The following KCNJ6 variants were observed in gnomAD, a reference collection of about 807,000 sequenced individuals.
KCNJ6 encodes G protein-activated inward rectifier potassium channel 2.
KCNJ6 carries 9 observed loss-of-function variants against 34.2 expected under a neutral mutation model. That is an observed-to-expected ratio of 0.26 (90% CI 0.16 to 0.46). KCNJ6 has a LOEUF of 0.46. KCNJ6 is among the 20% of genes least tolerant of loss of function. The pLI, the probability that KCNJ6 is intolerant of heterozygous loss-of-function variation, is 1.00. For synonymous variants in KCNJ6, 196 were observed against 207.1 expected, an observed-to-expected ratio of 0.95 and a Z score of 0.46; for missense variants, 236 against 531.3, an observed-to-expected ratio of 0.44 and a Z score of 5.46.
At chr21:37,831,628 C>T (rs2055426391) in intron 2 of KCNJ6, among the ~76,000 whole-genome samples, 1 of 152,130 alleles carries the variant, frequency 6.6e-6, no homozygotes, top group East Asian at 1.9e-4. Context: ...CCCAGAAGTA[C>T]ATGGCAGAAG....
At position 37,761,748 on chromosome 21, in the gene KCNJ6, ATGTGTGTATGTGT is replaced by A. The variant is rs537534214; in HGVS notation, c.26-46630_26-46618del. 1.5e-4 allele frequency among the ~76,000 whole-genome samples: 22 copies of A among 148,994 alleles called. No homozygotes were observed. In the South Asian group the frequency reaches 4.7e-3, roughly 32 times the overall value. On this transcript the variant is annotated intron_variant, in intron 2 of 3. Coordinates refer to ENST00000609713, the MANE Select transcript of KCNJ6 (RefSeq NM_002240.5). ...GTGTGGTGTGTGTCGTGTGTGTGGT[ATGTGTGTATGTGT>A]TGTGTGTATGTAGTGTGTGTGTGGT...
chr21:37,644,851 CTTAAAG>C (rs2054396346), intron 3 of KCNJ6, among the ~76,000 whole-genome samples: 1 of 152,124 alleles, frequency 6.6e-6, no homozygotes, highest in African/African-American at 2.4e-5. Context: ...TTAAATTCTT[CTTAAAG>C]TTAAGGGAGA....
chr21:37,852,449 T>C (rs966494113), intron 1 of KCNJ6, among the ~76,000 whole-genome samples: 2 of 152,114 alleles, frequency 1.3e-5, no homozygotes, highest in African/African-American at 4.8e-5. Flanking sequence ...CCCCCTCCTA[T>C]CCCAGCCAGG....
At chr21:37,777,796 A>G (rs1459470286) in intron 2 of KCNJ6, among the ~76,000 whole-genome samples, 1 of 152,198 alleles carries the variant, frequency 6.6e-6, no homozygotes, top group Non-Finnish European at 1.5e-5. Flanking sequence ...CTCTGTCACC[A>G]GTGTTCCCAG....
Position 37,675,138 on chromosome 21 carries a change from T to C in KCNJ6, c.946+39073A>G, listed in dbSNP as rs1189095780. 6.6e-6 allele frequency among the ~76,000 whole-genome samples: 1 copy of C among 152,178 alleles called. No homozygotes were observed. Among genetic ancestry groups the C allele is most frequent in the African/African-American group, 2.4e-5 (1 of 41,442 alleles). On this transcript the variant is annotated intron_variant, in intron 3 of 3. Coordinates refer to ENST00000609713, the MANE Select transcript of KCNJ6 (RefSeq NM_002240.5). This position sits in a 1 kb window ranked among gnomAD's most constrained non-coding sequence, Gnocchi z 4.2. ...TCCTTTGGACTGGGCCCTTGAGCCA[T>C]GAGCTTTCTTTTATTTAATGTGATA...
intron 3 of KCNJ6, among the ~76,000 whole-genome samples, chr21:37,705,954 A>C (rs1256801992): frequency 5.2e-3 from 1 of 192 alleles, no homozygotes; most frequent in Non-Finnish European, 9.8e-3. Flanking sequence ...ACATAAGGTT[A>C]TTTCCTCAGT....
At chr21:37,805,124 T>C (rs1278929364) in intron 2 of KCNJ6, among the ~76,000 whole-genome samples, 1 of 152,114 alleles carries the variant, frequency 6.6e-6, no homozygotes, top group Admixed American at 6.5e-5. Flanking sequence ...GCAGGTGGAA[T>C]GACTGCTAAT....
At position 37,900,942 on chromosome 21, in the gene KCNJ6, TATAAAAC is replaced by T. The variant is rs577314805; in HGVS notation, c.-28+14935_-28+14941del. On this transcript the variant is annotated intron_variant, in intron 1 of 3. Coordinates refer to ENST00000609713, the MANE Select transcript of KCNJ6 (RefSeq NM_002240.5). ...CAACAATATATGATCCAATTTTAGT[TATAAAAC>T]ATAAAACATAGTAAACCCTCCTATT... 1.0e-3 allele frequency among the ~76,000 whole-genome samples: 157 copies of T among 152,286 alleles called. 1 individual carries two copies. Among genetic ancestry groups the T allele is most frequent in the African/African-American group, 3.7e-3 (154 of 41,562 alleles).
rs190340291 is a variant in KCNJ6 at position 37,865,330 on chromosome 21, G to A, written c.-27-24621C>T. Reference sequence around the variant, plus strand: ...ACCATTATACAGAAAAAAAGTGGAGGAGGCCTTATGCAAATATTTTCAGAT... The same window carrying A: ...ACCATTATACAGAAAAAAAGTGGAGAAGGCCTTATGCAAATATTTTCAGAT... On this transcript the variant is annotated intron_variant, in intron 1 of 3. Coordinates refer to ENST00000609713, the MANE Select transcript of KCNJ6 (RefSeq NM_002240.5). Among the ~76,000 whole-genome samples, 5 of 152,296 alleles carry A rather than the reference G, an allele frequency of 3.3e-5. No homozygotes were observed. In the East Asian group the frequency reaches 7.7e-4, roughly 24 times the overall value.
chr21:37,641,690 C>T (rs559000053), intron 3 of KCNJ6, among the ~76,000 whole-genome samples: 10 of 108,684 alleles, frequency 9.2e-5, no homozygotes, highest in East Asian at 2.8e-4. Flanking sequence ...TGAAAGTAGA[C>T]GAGTGTGTTT....
intron 2 of KCNJ6, among the ~76,000 whole-genome samples, chr21:37,798,690 C>T (rs2055255018): frequency 1.3e-5 from 2 of 152,096 alleles, no homozygotes; most frequent in African/African-American, 4.8e-5. Flanking sequence ...TGGTGTGATT[C>T]CATTCATAAT....
At position 37,709,373 on chromosome 21, in the gene KCNJ6, C is replaced by T. The variant is rs139068013; in HGVS notation, c.946+4838G>A. Among the ~76,000 whole-genome samples, 9 of 152,034 alleles carry T rather than the reference C, an allele frequency of 5.9e-5. No homozygotes were observed. The East Asian group carries it at 9.7e-4, about 16-fold the overall frequency. On this transcript the variant is annotated intron_variant, in intron 3 of 3. Coordinates refer to ENST00000609713, the MANE Select transcript of KCNJ6 (RefSeq NM_002240.5). Reference sequence around the variant, plus strand: ...CTAAAATTACAAAATTAGCCGGGCGCGGTGGTGGTGCATGCCTGTAATCCC... The same window carrying T: ...CTAAAATTACAAAATTAGCCGGGCGTGGTGGTGGTGCATGCCTGTAATCCC...
chr21:37,733,795 C>T (rs964373795), intron 2 of KCNJ6, among the ~76,000 whole-genome samples: 11 of 152,176 alleles, frequency 7.2e-5, no homozygotes, highest in Non-Finnish European at 5.9e-5. Flanking sequence ...GTCACATACA[C>T]GACTGTGTTT....
chr21:37,631,257 T>A (rs1163226400), intron 3 of KCNJ6, among the ~76,000 whole-genome samples: 1 of 152,160 alleles, frequency 6.6e-6, no homozygotes, highest in Non-Finnish European at 1.5e-5. Context: ...ATTGGCCATG[T>A]CTGAAATGTA....
At chr21:37,697,000 G>T (rs575238645) in intron 3 of KCNJ6, among the ~76,000 whole-genome samples, 1 of 152,238 alleles carries the variant, frequency 6.6e-6, no homozygotes, top group South Asian at 2.1e-4. Context: ...TCATCAAATT[G>T]TCCTCAATGA....
intron 2 of KCNJ6, among the ~76,000 whole-genome samples, chr21:37,775,468 G>A (rs2055137744): frequency 6.6e-6 from 1 of 152,188 alleles, no homozygotes. Context: ...TTCTTCTAGA[G>A]TTTTTATGGT....
intron 2 of KCNJ6, among the ~76,000 whole-genome samples, chr21:37,742,881 T>C (rs961895333): frequency 6.6e-6 from 1 of 152,188 alleles, no homozygotes; most frequent in African/African-American, 2.4e-5. Flanking sequence ...AAACCTTCCA[T>C]CTCTTCTCTG....
intron 1 of KCNJ6, among the ~76,000 whole-genome samples, chr21:37,891,073 C>T (rs573865856): frequency 1.3e-5 from 2 of 152,318 alleles, no homozygotes; most frequent in African/African-American, 4.8e-5. Flanking sequence ...ACGATGCTCA[C>T]CTACCTATCT....
intron 2 of KCNJ6, among the ~76,000 whole-genome samples, chr21:37,798,200 C>T (rs1238766037): frequency 6.6e-6 from 1 of 152,154 alleles, no homozygotes; most frequent in African/African-American, 2.4e-5. Flanking sequence ...CCTTGGAACA[C>T]GTGGTTGGTG....
Sources: gnomAD v4.1 joint callset for allele counts (sites outside exome capture counted in the v4.1 genomes callset) on GRCh38, gnomAD v4.1.1 for gene constraint, Gnocchi (gnomAD v3.1) non-coding constraint, MANE v1.5 for transcripts, NCBI Gene and HGNC (gene_info 2026-07-23, HGNC 2026-07-21) for gene names.